Variants in RIMS1 observed in about 807,000 individuals in gnomAD.
RIMS1 encodes regulating synaptic membrane exocytosis protein 1.
RIMS1 carries 83 observed loss-of-function variants against 214.1 expected under a neutral mutation model. That is an observed-to-expected ratio of 0.39 (90% CI 0.32 to 0.47). The LOEUF is 0.47. RIMS1 is among the 20% of genes least tolerant of loss of function. The probability of loss-of-function intolerance (pLI) is 0.99; values close to 1 mark genes in which losing one functional copy is unlikely to be tolerated. For missense variants in RIMS1, 2,050 were observed against 2,161.8 expected, an observed-to-expected ratio of 0.95 and a Z score of 1.03; for synonymous variants, 793 against 786.8, an observed-to-expected ratio of 1.01 and a Z score of -0.13.
intron 1 of RIMS1, among the ~76,000 whole-genome samples, chr6:71,896,567 A>G (rs1771856680): frequency 6.6e-6 from 1 of 152,140 alleles, no homozygotes. Context: ...AGAAATAAAC[A>G]TGGTACCAGG....
chr6:72,262,866 A>G (rs907687412), intron 19 of RIMS1: 10 of 579,712 alleles, frequency 1.7e-5, no homozygotes, highest in Admixed American at 6.4e-5. Context: ...ACTAGTCTCT[A>G]GTAAACATAA....
intron 2 of RIMS1, among the ~76,000 whole-genome samples, chr6:71,986,435 GGCAA>G (rs1016521905): frequency 2.0e-5 from 3 of 152,154 alleles, no homozygotes; most frequent in Non-Finnish European, 2.9e-5. Flanking sequence ...AGAAGGCTAA[GGCAA>G]TAGGCCAGAT....
At chr6:72,339,554 A>G (rs1205763531) in intron 29 of RIMS1, among the ~76,000 whole-genome samples, 5 of 151,214 alleles carry the variant, frequency 3.3e-5, no homozygotes, top group Non-Finnish European at 7.4e-5. Context: ...TTGTCCTTGC[A>G]ATAGTTTGCT....
At chr6:72,313,027 G>A (rs192024690) in intron 27 of RIMS1, among the ~76,000 whole-genome samples, 136 of 152,198 alleles carry the variant, frequency 8.9e-4, no homozygotes, top group African/African-American at 3.1e-3. Context: ...GTTCCACTGA[G>A]CATTTCTTTT....
At chr6:72,060,801 T>A (rs1314161701) in intron 2 of RIMS1, among the ~76,000 whole-genome samples, 1 of 152,244 alleles carries the variant, frequency 6.6e-6, no homozygotes, top group African/African-American at 2.4e-5. Context: ...TAATCTTTTA[T>A]ACTGAAATTA....
chr6:72,361,594 A>G (rs1246391523), intron 29 of RIMS1, among the ~76,000 whole-genome samples: 1 of 152,196 alleles, frequency 6.6e-6, no homozygotes, highest in African/African-American at 2.4e-5. Flanking sequence ...TTTTGCAATT[A>G]TCACCCTTAA....
At position 72,160,731 on chromosome 6, in the gene RIMS1, G is replaced by C. The variant is rs949289799; in HGVS notation, c.472-18844G>C. 8.2e-4 allele frequency among the ~76,000 whole-genome samples: 116 copies of C among 140,954 alleles called. 3 individuals are homozygous for C. Among genetic ancestry groups the C allele is most frequent in the African/African-American group, 2.8e-3 (114 of 40,648 alleles). The allele number at this position is 140,954 out of a possible 152,430, so 92.5% of individuals were successfully genotyped here. ...ACCAGCCTTGCATCCCAAGGATGAA[G>C]CCCACTTGATCATGGTGGGTAAGTT... On this transcript the variant is annotated intron_variant, in intron 4 of 33. Transcript: ENST00000521978.
intron 1 of RIMS1, among the ~76,000 whole-genome samples, chr6:71,907,882 C>T (rs1582310297): frequency 6.6e-6 from 1 of 152,036 alleles, no homozygotes; most frequent in Non-Finnish European, 1.5e-5. Flanking sequence ...AAAATCCTAC[C>T]AGAATTTTAT....
intron 4 of RIMS1, among the ~76,000 whole-genome samples, chr6:72,140,774 T>C (rs989223727): frequency 2.0e-5 from 3 of 152,062 alleles, no homozygotes; most frequent in Non-Finnish European, 2.9e-5. Context: ...TTTAGTTCAA[T>C]TTCGTATTTC....
At chr6:72,140,118 T>C (rs971266123) in intron 4 of RIMS1, among the ~76,000 whole-genome samples, 1 of 152,208 alleles carries the variant, frequency 6.6e-6, no homozygotes, top group African/African-American at 2.4e-5. Context: ...GGAGCTATCT[T>C]GGTTTAGAAA....
intron 4 of RIMS1, among the ~76,000 whole-genome samples, chr6:72,103,647 AC>A (rs1037415554): frequency 6.6e-6 from 1 of 152,128 alleles, no homozygotes; most frequent in African/African-American, 2.4e-5. Flanking sequence ...TTGTGAACAT[AC>A]GTTGTCAAAT....
At chr6:72,010,486 C>G (rs1403289537) in intron 2 of RIMS1, among the ~76,000 whole-genome samples, 19 of 152,114 alleles carry the variant, frequency 1.2e-4, no homozygotes, top group Non-Finnish European at 2.6e-4. Flanking sequence ...CCAGGGCAAT[C>G]AGGCAGGAGA....
chr6:72,056,374 A>G (rs1253497511), intron 2 of RIMS1, among the ~76,000 whole-genome samples: 1 of 152,186 alleles, frequency 6.6e-6, no homozygotes, highest in East Asian at 1.9e-4. Flanking sequence ...CATGCAGTTT[A>G]CATGTCTAAC....
In RIMS1 at chr6:72,259,118, G is replaced by T; in HGVS notation, c.3053+7G>T. 6.2e-7 allele frequency: 1 copy of T among 1,610,038 alleles called. No individual in the cohort carries two copies. ...ATTTATCAGAACAAGACAGGTATTT[G>T]TCAAAATTATGATCTCAACGTTATG... On this transcript the variant is annotated splice_region_variant and intron_variant, in intron 18 of 33. Coordinates refer to ENST00000521978, the MANE Select transcript of RIMS1 (RefSeq NM_014989.7).
intron 29 of RIMS1, among the ~76,000 whole-genome samples, chr6:72,343,517 G>GTTTTT (rs1564321013): frequency 1.8e-5 from 1 of 54,996 alleles, no homozygotes; most frequent in Non-Finnish European, 3.6e-5. Context: ...TTTTTTTTTT[G>GTTTTT]TGTGTGTGGT....
At chr6:72,195,475 C>T (rs1044384669) in intron 6 of RIMS1, among the ~76,000 whole-genome samples, 5 of 152,104 alleles carry the variant, frequency 3.3e-5, no homozygotes, top group Non-Finnish European at 5.9e-5. Context: ...CCCTTAATAA[C>T]AGATGTGACT....
intron 4 of RIMS1, among the ~76,000 whole-genome samples, chr6:72,156,526 A>G (rs2044469189): frequency 7.1e-6 from 1 of 140,364 alleles, no homozygotes; most frequent in African/African-American, 2.5e-5. Flanking sequence ...AGTTATGATC[A>G]ATAGGTCTGG....
At position 72,261,457 on chromosome 6, in the gene RIMS1, T is replaced by C. The variant is rs554731066; in HGVS notation, c.3116+690T>C. ...TTGGAGCTTAGAGCCTGATGCTTTA[T>C]GTTAATCTCATTACATCTTTAATTT... On this transcript the variant is annotated intron_variant, in intron 19 of 33. Transcript: ENST00000521978. The C allele has an allele frequency of 3.1e-6, 3 of 980,436 alleles. No homozygotes were observed. The South Asian group carries it at 1.4e-4, about 46-fold the overall frequency. 60.7% of individuals were successfully genotyped at this position (980,436 alleles called of 1,614,324 possible).
chr6:72,158,202 A>G (rs2044709884), intron 4 of RIMS1, among the ~76,000 whole-genome samples: 1 of 140,882 alleles, frequency 7.1e-6, no homozygotes. Flanking sequence ...TTCTGGTAAC[A>G]CATTCACTTT....
Sources: gnomAD v4.1 joint callset for allele counts (sites outside exome capture counted in the v4.1 genomes callset) on GRCh38, gnomAD v4.1.1 for gene constraint, MANE v1.5 for transcripts, NCBI Gene and HGNC (gene_info 2026-07-23, HGNC 2026-07-21) for gene names.